The following PARD3B variants were observed in gnomAD, a reference collection of about 807,000 sequenced individuals.
PARD3B encodes par-3 family cell polarity regulator beta.
In PARD3B, 103 loss-of-function variants were observed where a neutral mutation model predicts 130.2. That is an observed-to-expected ratio of 0.79 (90% confidence interval 0.67 to 0.93). The LOEUF (loss-of-function observed/expected upper bound fraction) is 0.93. PARD3B is among the 40% of genes least tolerant of loss of function. The pLI is 0.00. For missense variants in PARD3B, 1,609 were observed against 1,499.2 expected (o/e 1.07, Z -1.21); for synonymous variants, 583 against 553.2 (o/e 1.05, Z -0.76).
intron 2 of PARD3B, among the ~76,000 whole-genome samples, chr2:204,698,205 C>G (rs41440444): frequency 0.045 from 6,773 of 152,136 alleles, 420 homozygotes; most frequent in East Asian, 0.14. Flanking sequence ...GTTGGTTACC[C>G]TGTTAGAGAA....
At chr2:204,686,378 T>G in intron 2 of PARD3B, 96 bp downstream of exon 2, 1 of 888,928 alleles carries the variant, frequency 1.1e-6, no homozygotes, top group South Asian at 1.4e-5. Flanking sequence ...TGTCAATTAT[T>G]ATTAAAAGAT....
At chr2:204,693,202 C>T (rs1231962807) in intron 2 of PARD3B, among the ~76,000 whole-genome samples, 1 of 151,982 alleles carries the variant, frequency 6.6e-6, no homozygotes, top group Non-Finnish European at 1.5e-5. Flanking sequence ...TTTCCTTTAT[C>T]CTTTCCCATA....
chr2:204,998,947 C>T (rs138200501), intron 3 of PARD3B, among the ~76,000 whole-genome samples: 267 of 152,170 alleles, frequency 1.8e-3, no homozygotes, highest in African/African-American at 2.4e-3. Context: ...CTCCTGACTT[C>T]GTGATCCAAA....
At chr2:205,445,743 T>C (rs768984667) in intron 20 of PARD3B, among the ~76,000 whole-genome samples, 1 of 152,154 alleles carries the variant, frequency 6.6e-6, no homozygotes, top group Non-Finnish European at 1.5e-5. Context: ...CCATCTGGGC[T>C]CCCAACATAT....
chr2:204,553,434 A>G lies in PARD3B; in HGVS notation c.120+7315A>G, dbSNP rs562920121. On this transcript the variant is annotated intron_variant, in intron 1 of 22. Transcript: ENST00000406610. ...AGAGGAAAATAAGTCATTATATGAA[A>G]AAGATACTTGCACATGCATGTTTAG... 5.3e-5 allele frequency among the ~76,000 whole-genome samples: 8 copies of G among 151,538 alleles called. No individual in the cohort carries two copies. In the South Asian group the frequency reaches 1.2e-3, roughly 24 times the overall value.
intron 2 of PARD3B, among the ~76,000 whole-genome samples, chr2:204,826,757 T>G (rs1040612972): frequency 1.3e-5 from 2 of 152,198 alleles, no homozygotes; most frequent in African/African-American, 4.8e-5. Flanking sequence ...TGGTGGCTCA[T>G]GCTTGTAATC....
rs1474851280 is a variant in PARD3B at position 204,664,045 on chromosome 2, G to C, written c.121-22136G>C. The stretch of plus-strand genomic sequence containing the variant: ...TAAACTCATATTGTTCAAAGAATAG[G>C]GCCCTTAATTGGGTGGGATTTTTAT... On this transcript the variant is annotated intron_variant, in intron 1 of 22. Transcript: ENST00000406610. This position sits in a 1 kb window ranked among gnomAD's most constrained non-coding sequence, Gnocchi z 5.2. 6.6e-6 allele frequency among the ~76,000 whole-genome samples: 1 copy of C among 152,078 alleles called. No homozygotes were observed. Among genetic ancestry groups the C allele is most frequent in the African/African-American group, 2.4e-5 (1 of 41,384 alleles).
intron 2 of PARD3B, among the ~76,000 whole-genome samples, chr2:204,708,235 C>A (rs2038273837): frequency 1.3e-5 from 2 of 152,174 alleles, no homozygotes; most frequent in South Asian, 4.2e-4. Flanking sequence ...GTCTCAACTC[C>A]TAGCCTCCAG....
At chr2:205,261,008 A>G (rs530582968) in intron 16 of PARD3B, among the ~76,000 whole-genome samples, 2 of 152,060 alleles carry the variant, frequency 1.3e-5, no homozygotes, top group Admixed American at 6.5e-5. Flanking sequence ...TCAAATTGCA[A>G]GTTTGCTTGC....
chr2:205,589,973 C>G lies in PARD3B; in HGVS notation c.3261-25483C>G, dbSNP rs2054326280. On this transcript the variant is annotated intron_variant, in intron 22 of 22. Transcript: ENST00000406610. The surrounding 1 kb of genome is among the most constrained non-coding windows in gnomAD (Gnocchi z 4.1). ...CTGTATCAAGCTGAAGAAGCATAAG[C>G]TGCAACAAAGCTTTTCTCCCCCAAG... Among the ~76,000 whole-genome samples the G allele has an allele frequency of 6.6e-6, 1 of 152,100 alleles. No homozygotes were observed.
At chr2:205,123,285 G>A (rs1201501546) in intron 8 of PARD3B, among the ~76,000 whole-genome samples, 9 of 152,206 alleles carry the variant, frequency 5.9e-5, no homozygotes, top group African/African-American at 2.2e-4. Flanking sequence ...TTGCATAATG[G>A]AGATGTCATT....
chr2:204,737,829 A>T (rs537415028), intron 2 of PARD3B, among the ~76,000 whole-genome samples: 1 of 152,262 alleles, frequency 6.6e-6, no homozygotes, highest in African/African-American at 2.4e-5. Context: ...TAGGATGTCC[A>T]TTCCCCAATT....
At chr2:204,722,450 T>A (rs1321935610) in intron 2 of PARD3B, among the ~76,000 whole-genome samples, 2 of 152,192 alleles carry the variant, frequency 1.3e-5, no homozygotes, top group African/African-American at 2.4e-5. Flanking sequence ...TTCTACAGTT[T>A]AAATTAAAAC....
chr2:205,469,259 G>A (rs893731487), intron 20 of PARD3B, among the ~76,000 whole-genome samples: 5 of 152,092 alleles, frequency 3.3e-5, no homozygotes, highest in Admixed American at 6.5e-5. Flanking sequence ...AAGGTGACAC[G>A]AGCTTATTGG....
intron 1 of PARD3B, among the ~76,000 whole-genome samples, chr2:204,561,944 A>G (rs1052736933): frequency 2.6e-5 from 4 of 152,054 alleles, no homozygotes; most frequent in Non-Finnish European, 5.9e-5. Flanking sequence ...GTTGGGTCTC[A>G]AACAATGGCA....
At chr2:204,681,520 A>G (rs1052632454) in intron 1 of PARD3B, among the ~76,000 whole-genome samples, 1 of 152,192 alleles carries the variant, frequency 6.6e-6, no homozygotes, top group Non-Finnish European at 1.5e-5. Flanking sequence ...AGGAAGGTGA[A>G]GGCGTGTTCT....
In PARD3B at chr2:205,568,329, G is replaced by A. The variant is rs7349394; in HGVS notation, c.3260+14926G>A. Among the ~76,000 whole-genome samples, 145,587 of 152,318 alleles carry A rather than the reference G, an allele frequency of 0.96. 69,918 individuals carry two copies. Among genetic ancestry groups the A allele is most frequent in the East Asian group, 1 (5,188 of 5,188 alleles). ...TTGGTCATGTCTTGTACGGAACACA[G>A]TGAATGCCAATAGCACCAACAGAGC... On this transcript the variant is annotated intron_variant, in intron 22 of 22. Coordinates refer to ENST00000406610, the MANE Select transcript of PARD3B (RefSeq NM_001302769.2). The surrounding 1 kb of genome is among the most constrained non-coding windows in gnomAD (Gnocchi z 5.3).
chr2:205,244,415 A>G lies in PARD3B; in HGVS notation c.2141-1363A>G, dbSNP rs1006265619. Among the ~76,000 whole-genome samples, 42 of 152,232 alleles carry G rather than the reference A, an allele frequency of 2.8e-4. No homozygotes were observed. The highest frequency in any genetic ancestry group is 9.9e-4 in the African/African-American group (41 of 41,462). On this transcript the variant is annotated intron_variant, in intron 15 of 22. Transcript: ENST00000406610. The surrounding 1 kb of genome is among the most constrained non-coding windows in gnomAD (Gnocchi z 4.7). ...TGAATATTAAAGTGATGATCTATGC[A>G]GAGATGCTTAAGGATTAAGAACTTT... is the stretch of plus-strand genomic sequence containing the variant.
chr2:205,503,390 CT>C (rs75071561), intron 21 of PARD3B, among the ~76,000 whole-genome samples: 2,369 of 145,678 alleles, frequency 0.016, 96 homozygotes, highest in East Asian at 0.12. Flanking sequence ...ATACTTTGTT[CT>C]TTTTTTTTTT....
Sources: allele counts gnomAD v4.1 joint callset (sites outside exome capture counted in the v4.1 genomes callset), GRCh38; gene constraint gnomAD v4.1.1; non-coding constraint Gnocchi (gnomAD v3.1); transcripts MANE v1.5; gene names NCBI Gene and HGNC (gene_info 2026-07-23, HGNC 2026-07-21).